Variants in PCLO observed in about 807,000 individuals in gnomAD.
PCLO encodes piccolo presynaptic cytomatrix protein.
PCLO carries 82 observed loss-of-function variants against 427.5 expected under a neutral mutation model. The ratio of observed to expected loss-of-function variants is 0.19; its 90% confidence interval spans 0.16 to 0.23. The LOEUF is 0.23. PCLO is among the 10% of genes least tolerant of loss of function. PCLO has a pLI of 1.00. For missense variants in PCLO, 6,239 were observed against 6,115.9 expected (o/e 1.02, Z -0.67); for synonymous variants, 2,357 against 2,155.4 (o/e 1.09, Z -2.59).
chr7:82,967,987 A>G (rs1056711641), intron 3 of PCLO, among the ~76,000 whole-genome samples: 3 of 152,210 alleles, frequency 2.0e-5, no homozygotes, highest in Non-Finnish European at 2.9e-5. Context: ...ATCTTAAAGT[A>G]TTTAGATAAA....
intron 3 of PCLO, among the ~76,000 whole-genome samples, chr7:83,005,008 A>C (rs1787913073): frequency 6.6e-6 from 1 of 151,722 alleles, no homozygotes; most frequent in South Asian, 2.1e-4. Context: ...GATTATTATC[A>C]AAAAGTCATA....
At position 82,757,736 on chromosome 7, in the gene PCLO, T is replaced by C; in HGVS notation, c.*839A>G. 1 of 151,982 alleles carries C rather than the reference T, an allele frequency of 6.6e-6. No individual in the cohort carries two copies. The highest frequency in any genetic ancestry group is 6.6e-5 in the Admixed American group (1 of 15,228). The allele number at this position is 151,982 out of a possible 1,614,324, so 9.4% of individuals were successfully genotyped here. A position where few individuals can be genotyped will look rare whatever the true frequency, so the allele number is the denominator to read the frequency against. On this transcript the variant is annotated 3_prime_UTR_variant, in exon 25 of 25. Coordinates refer to ENST00000333891, the MANE Select transcript of PCLO (RefSeq NM_033026.6). ...TTTGGTACATAGACTGAAGATGTCT[T>C]GGCTTAATGGTAAATTATGAAGATT...
At chr7:82,798,734 T>C (rs183227237) in intron 22 of PCLO, among the ~76,000 whole-genome samples, 1 of 152,318 alleles carries the variant, frequency 6.6e-6, no homozygotes, top group Admixed American at 6.5e-5. Flanking sequence ...GCCCAATTCA[T>C]ATAGATACGT....
rs569070402 is a variant in PCLO at position 82,828,719 on chromosome 7, T to C, written c.14250-753A>G. 1.4e-4 allele frequency among the ~76,000 whole-genome samples: 21 copies of C among 152,272 alleles called. 1 individual carries two copies. In the South Asian group the frequency reaches 4.3e-3, roughly 32 times the overall value. On this transcript the variant is annotated intron_variant, in intron 16 of 24. Transcript: ENST00000333891. Reference sequence around the variant, plus strand: ...CTAATGAAGTCTGGCAGAACATCTATAGCTGGCACCAACCTGCTGATGGGG... The same window carrying C: ...CTAATGAAGTCTGGCAGAACATCTACAGCTGGCACCAACCTGCTGATGGGG...
At position 83,135,199 on chromosome 7, in the gene PCLO, T is replaced by C; in HGVS notation, c.2351A>G (p.Gln784Arg). ...GGTTGTTTTCTCTTCAGCTTGTGAC[T>C]GTACTTTGGAGCTTGGAATATCAGG... ...TKPDIPSSKV[Q>R]SQAEEKTTPP... Residue 784 changes from glutamine to arginine, a missense_variant, in exon 3 of 25, where the codon CAG (glutamine) becomes CGG (arginine). By Grantham distance (43) the Gln-to-Arg change is conservative. This residue lies in a region of PCLO where 4,677 missense variants were observed against 4,468.4 expected (regional missense o/e 1.05). Transcript: ENST00000333891. 4 of 1,613,930 alleles carry C rather than the reference T, an allele frequency of 2.5e-6. No homozygotes were observed. Among genetic ancestry groups the C allele is most frequent in the South Asian group, 1.1e-5 (1 of 91,080 alleles).
intron 3 of PCLO, among the ~76,000 whole-genome samples, chr7:83,039,870 A>G (rs147006686): frequency 1.3e-5 from 2 of 152,164 alleles, no homozygotes; most frequent in East Asian, 1.9e-4. Flanking sequence ...TTTTCAGAGT[A>G]TAAGTTTGTA....
In PCLO at chr7:82,758,757, CAT is replaced by C; in HGVS notation, c.15289-44_15289-43del. ...AAAATAAACATATTTAATTTATACA[CAT>C]ATACATGTGTATAGTTTTCAACCTT... On this transcript the variant is annotated intron_variant, in intron 24 of 24. Transcript: ENST00000333891. 7 of 1,226,104 alleles carry C rather than the reference CAT, an allele frequency of 5.7e-6. No individual in the cohort carries two copies. In the South Asian group the frequency reaches 8.9e-5, roughly 16 times the overall value. 76.0% of individuals were successfully genotyped at this position (1,226,104 alleles called of 1,614,324 possible). A position where few individuals can be genotyped will look rare whatever the true frequency, so the allele number is the denominator to read the frequency against.
chr7:82,994,746 GA>G (rs989926251), intron 3 of PCLO, among the ~76,000 whole-genome samples: 2 of 151,908 alleles, frequency 1.3e-5, no homozygotes, highest in African/African-American at 4.8e-5. Flanking sequence ...CACTTGAGGT[GA>G]AAAATGGATT....
At position 82,915,621 on chromosome 7, in the gene PCLO, T is replaced by G; in HGVS notation, c.12365A>C (p.Lys4122Thr). 6.2e-7 allele frequency: 1 copy of G among 1,613,562 alleles called. No homozygotes were observed. Among genetic ancestry groups the G allele is most frequent in the Non-Finnish European group, 8.5e-7 (1 of 1,179,698 alleles). ...CTGTTTAATCTGATGTTTCAGAAGCTTTAACTCGTAAGGATCCTCCATTGG... is the reference window on the plus strand; with the variant it reads ...CTGTTTAATCTGATGTTTCAGAAGCGTTAACTCGTAAGGATCCTCCATTGG... ...EDPMEDPYEL[K>T]LLKHQIKQEF... Residue 4122 changes from lysine to threonine, a missense_variant, in exon 7 of 25, where the codon AAG becomes ACG. By Grantham distance (78) the Lys-to-Thr change is moderately conservative. Around this residue, in one of 5 missense-constraint regions of PCLO, gnomAD observed 680 missense variants for 677.3 expected, o/e 1.00. Coordinates refer to ENST00000333891, the MANE Select transcript of PCLO (RefSeq NM_033026.6).
chr7:83,098,968 G>A (rs1790664485), intron 3 of PCLO, among the ~76,000 whole-genome samples: 1 of 152,026 alleles, frequency 6.6e-6, no homozygotes, highest in African/African-American at 2.4e-5. Flanking sequence ...ACAACAGCAA[G>A]AGGAGTGTGA....
chr7:83,126,378 T>C (rs1187527384), intron 3 of PCLO, among the ~76,000 whole-genome samples: 4 of 152,266 alleles, frequency 2.6e-5, no homozygotes, highest in South Asian at 2.1e-4. Context: ...AAGAGTGACA[T>C]TGGAATGTTC....
rs897325438 is a variant in PCLO, at chr7:83,124,154, C to CA, written c.3300+10095dup. 3.2e-3 allele frequency among the ~76,000 whole-genome samples: 440 copies of CA among 136,672 alleles called. 1 individual carries two copies. The highest frequency in any genetic ancestry group is 4.6e-3 in the African/African-American group (171 of 37,222). 89.7% of individuals were successfully genotyped at this position (136,672 alleles called of 152,430 possible). A position where few individuals can be genotyped will look rare whatever the true frequency, so the allele number is the denominator to read the frequency against. On this transcript the variant is annotated intron_variant, in intron 3 of 24. Transcript: ENST00000333891. Reference sequence around the variant, plus strand: ...TGAAACCCTGTCTCTACAAAAAATACAAAAAAAAAAAAATTAGCCGGGTGC... The same window carrying CA: ...TGAAACCCTGTCTCTACAAAAAATACAAAAAAAAAAAAAATTAGCCGGGTGC...
Position 82,841,503 on chromosome 7 carries a change from C to A in PCLO, c.14053G>T (p.Asp4685Tyr). 6.3e-7 allele frequency: 1 copy of A among 1,575,512 alleles called. No homozygotes were observed. The highest frequency in any genetic ancestry group is 8.7e-7 in the Non-Finnish European group (1 of 1,146,230). The change falls in exon 14 of 25, where the codon GAT becomes TAT. Residue 4685 changes from aspartate (D) to tyrosine (Y), a missense_variant. This residue lies in a region of PCLO where 877 missense variants were observed against 925.5 expected (regional missense o/e 0.95). Transcript: ENST00000333891. The part of the protein sequence containing the change: ...KKKHGSSKPT[D>Y]GTKVVSHPIT... Reference sequence around the variant, plus strand: ...GGATGAGAGACAACCTTTGTTCCATCGGTAGGCTGTAATATTAAAGAACAT... The same window carrying A: ...GGATGAGAGACAACCTTTGTTCCATAGGTAGGCTGTAATATTAAAGAACAT...
chr7:82,903,004 C>A (rs574100656), intron 8 of PCLO, among the ~76,000 whole-genome samples: 1 of 152,044 alleles, frequency 6.6e-6, no homozygotes, highest in Non-Finnish European at 1.5e-5. Flanking sequence ...TAAGTGCATG[C>A]AATAGGTTCT....
intron 3 of PCLO, among the ~76,000 whole-genome samples, chr7:82,979,665 T>C (rs1041811908): frequency 6.6e-6 from 1 of 152,158 alleles, no homozygotes; most frequent in Non-Finnish European, 1.5e-5. Context: ...TTATTGGCCA[T>C]TGAAGCAATC....
chr7:82,808,624 AG>A (rs1248355289), intron 20 of PCLO, among the ~76,000 whole-genome samples: 1 of 151,978 alleles, frequency 6.6e-6, no homozygotes, highest in African/African-American at 2.4e-5. Context: ...ATATTAAAAA[AG>A]AAAACCAAAT....
At chr7:82,886,139 C>A (rs554712316) in intron 9 of PCLO, among the ~76,000 whole-genome samples, 2 of 152,274 alleles carry the variant, frequency 1.3e-5, no homozygotes, top group South Asian at 4.1e-4. Flanking sequence ...AGAGAAAATG[C>A]TTTTGGCTTA....
At chr7:82,788,920 T>C (rs1164337075) in intron 22 of PCLO, among the ~76,000 whole-genome samples, 1 of 151,936 alleles carries the variant, frequency 6.6e-6, no homozygotes, top group Non-Finnish European at 1.5e-5. Context: ...AAAGACAAAT[T>C]TTAAAAGCAG....
chr7:82,773,310 T>G (rs943349746), intron 22 of PCLO, among the ~76,000 whole-genome samples: 2 of 152,178 alleles, frequency 1.3e-5, no homozygotes, highest in Non-Finnish European at 2.9e-5. Context: ...AAGCTACCAA[T>G]AGCTGTAGAA....
Sources: allele counts gnomAD v4.1 joint callset (sites outside exome capture counted in the v4.1 genomes callset), GRCh38; gene constraint gnomAD v4.1.1; regional missense constraint gnomAD v4.1.1; transcripts MANE v1.5; gene names NCBI Gene and HGNC (gene_info 2026-07-23, HGNC 2026-07-21).